The following STIMATE variants were observed in gnomAD, a reference collection of about 807,000 sequenced individuals.
STIMATE encodes the protein store-operated calcium entry regulator STIMATE.
In STIMATE, 15 loss-of-function variants were observed where a neutral mutation model predicts 36.7. The observed-to-expected ratio is 0.41, with a 90% CI of 0.27 to 0.63. STIMATE has a LOEUF of 0.63. Among genes scored for constraint, STIMATE ranks in the 20% least tolerant of loss-of-function variants. The pLI is 0.32. For missense variants in STIMATE, 305 were observed against 397.3 expected, an observed-to-expected ratio of 0.77 and a Z score of 1.98; for synonymous variants, 163 against 162.3, an observed-to-expected ratio of 1.00 and a Z score of -0.03.
In STIMATE at chr3:52,875,864, C is replaced by A. The variant is rs138267488; in HGVS notation, c.161-20420G>T. On this transcript the variant is annotated intron_variant, in intron 1 of 7. Coordinates refer to ENST00000355083, the MANE Select transcript of STIMATE (RefSeq NM_198563.5). ...GGTGGAGGGGCCACTCAGCCGGCCCCCTCCCTCATCCAGAAGCCCTTGTGA... is the reference window on the plus strand; with the variant it reads ...GGTGGAGGGGCCACTCAGCCGGCCCACTCCCTCATCCAGAAGCCCTTGTGA... 5.5e-3 allele frequency among the ~76,000 whole-genome samples: 832 copies of A among 152,336 alleles called. 9 individuals carry two copies. Among genetic ancestry groups the A allele is most frequent in the African/African-American group, 0.019 (781 of 41,566 alleles).
intron 2 of STIMATE, among the ~76,000 whole-genome samples, chr3:52,854,568 T>C (rs935583295): frequency 6.6e-6 from 1 of 152,254 alleles, no homozygotes; most frequent in Non-Finnish European, 1.5e-5. Context: ...CCTCTTCATC[T>C]AGCGTTCATC....
Position 52,844,858 on chromosome 3 carries a change from T to G in STIMATE, c.511A>C (p.Ile171Leu), listed in dbSNP as rs1700866670. Residue 171 changes from isoleucine to leucine, a missense_variant, in exon 5 of 8, where the codon ATC (isoleucine) becomes CTC (leucine). Ile to Leu is a conservative substitution (Grantham distance 5). Around this residue, in one of 3 missense-constraint regions of STIMATE, gnomAD observed 164 missense variants for 257.9 expected, o/e 0.64. Coordinates refer to ENST00000355083, the MANE Select transcript of STIMATE (RefSeq NM_198563.5). ...TTCCACTGAAGTATTAGGAGGACGATGAAGACGACAGACTTTTCAAAAATC... is the reference window on the plus strand; with the variant it reads ...TTCCACTGAAGTATTAGGAGGACGAGGAAGACGACAGACTTTTCAAAAATC... ...IMIFEKSVVF[I>L]VLLILQWKKV... 1.2e-6 allele frequency: 2 copies of G among 1,614,030 alleles called. No homozygotes were observed. The highest frequency in any genetic ancestry group is 2.7e-5 in the African/African-American group (2 of 74,938).
intron 1 of STIMATE, among the ~76,000 whole-genome samples, chr3:52,887,994 GTTTTTTTTTTTTTTTT>G (rs71087029): frequency 1.9e-5 from 1 of 52,694 alleles, no homozygotes; most frequent in Non-Finnish European, 3.4e-5. Context: ...AACAGAATCA[GTTTTTTTTTTTTTTTT>G]TTTTTTTTTT....
At position 52,896,439 on chromosome 3, in the gene STIMATE, A is replaced by G. The variant is rs185705987; in HGVS notation, c.160+852T>C. Among the ~76,000 whole-genome samples the G allele has an allele frequency of 6.5e-3, 982 of 150,622 alleles. 90 individuals are homozygous for G. The South Asian group carries it at 0.18, about 28-fold the overall frequency. ...TTCTTGTTACTTTAATAAGGGAAGG[A>G]TGCACACGATGAAAAACAGAAGCCC... is the stretch of plus-strand genomic sequence containing the variant. On this transcript the variant is annotated intron_variant, in intron 1 of 7. Coordinates refer to ENST00000355083, the MANE Select transcript of STIMATE (RefSeq NM_198563.5).
chr3:52,855,593 C>T (rs1701078931), intron 1 of STIMATE, 149 bp from the exon 2 acceptor site: 1 of 1,148,120 alleles, frequency 8.7e-7, no homozygotes, highest in South Asian at 1.5e-5. Context: ...ACAGTAAGCC[C>T]TGCGAAGGTC....
At chr3:52,884,086 A>G (rs1701652718) in intron 1 of STIMATE, among the ~76,000 whole-genome samples, 1 of 152,146 alleles carries the variant, frequency 6.6e-6, no homozygotes, top group Non-Finnish European at 1.5e-5. Context: ...TGATCATTTC[A>G]AGGCTTTTTT....
chr3:52,843,300 C>T, intron 6 of STIMATE: 4 of 401,932 alleles, frequency 1.0e-5, no homozygotes, highest in Non-Finnish European at 1.8e-5. Context: ...GGCCGGCACA[C>T]CCTGCTGTCA....
intron 1 of STIMATE, among the ~76,000 whole-genome samples, chr3:52,859,033 G>A (rs1178804322): frequency 5.3e-5 from 8 of 151,642 alleles, no homozygotes; most frequent in Non-Finnish European, 8.8e-5. Flanking sequence ...GTGGTGGCGC[G>A]TGCCTGTAAT....
At chr3:52,858,580 T>C (rs1701148325) in intron 1 of STIMATE, among the ~76,000 whole-genome samples, 1 of 152,136 alleles carries the variant, frequency 6.6e-6, no homozygotes, top group South Asian at 2.1e-4. Context: ...AGCTATCGCA[T>C]CACTGCATTC....
chr3:52,897,512 G>A lies in STIMATE; in HGVS notation c.-62C>T, dbSNP rs995531954. 125 of 1,190,582 alleles carry A rather than the reference G, an allele frequency of 1.0e-4. No individual in the cohort carries two copies. The highest frequency in any genetic ancestry group is 1.2e-4 in the Non-Finnish European group (120 of 962,508). 73.8% of individuals were successfully genotyped at this position (1,190,582 alleles called of 1,614,324 possible). ...CCGCCCGGCCTCGCTGCCTGCCGGC[G>A]CAGCGCCGCCAAACCCGCAGCCGGG... On this transcript the variant is annotated 5_prime_UTR_variant, in exon 1 of 8. Transcript: ENST00000355083.
At chr3:52,864,477 G>C (rs922531951) in intron 1 of STIMATE, among the ~76,000 whole-genome samples, 1 of 152,198 alleles carries the variant, frequency 6.6e-6, no homozygotes, top group Non-Finnish European at 1.5e-5. Context: ...GATGGGAGGT[G>C]CTGCTGTGAA....
intron 1 of STIMATE, among the ~76,000 whole-genome samples, chr3:52,863,883 C>T (rs760373193): frequency 2.0e-5 from 3 of 152,252 alleles, no homozygotes; most frequent in Non-Finnish European, 2.9e-5. Context: ...CTAGGTCTCA[C>T]ATCCAGGTCA....
Position 52,886,529 on chromosome 3 carries a change from C to T in STIMATE, c.160+10762G>A, listed in dbSNP as rs138522418. 8.5e-5 allele frequency among the ~76,000 whole-genome samples: 13 copies of T among 152,290 alleles called. No individual in the cohort carries two copies. The South Asian group carries it at 1.0e-3, about 12-fold the overall frequency. ...CGTGAAGCACTTACAAGACTTGACA[C>T]GTAATGAGTACTCTACACATGTGAC... On this transcript the variant is annotated intron_variant, in intron 1 of 7. Transcript: ENST00000355083.
At chr3:52,891,680 C>T (rs1701784482) in intron 1 of STIMATE, among the ~76,000 whole-genome samples, 1 of 149,356 alleles carries the variant, frequency 6.7e-6, no homozygotes, top group African/African-American at 2.5e-5. Context: ...TTCTTTCTTT[C>T]TTTTTTTTTT....
At chr3:52,876,639 T>C (rs1348408860) in intron 1 of STIMATE, among the ~76,000 whole-genome samples, 1 of 152,246 alleles carries the variant, frequency 6.6e-6, no homozygotes, top group Non-Finnish European at 1.5e-5. Context: ...GATAATCCAC[T>C]TCCATTTAAT....
At chr3:52,879,573 T>A (rs959252800) in intron 1 of STIMATE, among the ~76,000 whole-genome samples, 1 of 152,146 alleles carries the variant, frequency 6.6e-6, no homozygotes, top group Non-Finnish European at 1.5e-5. Context: ...ACCAAGACTC[T>A]GAGAACTGGG....
rs144680313 is a variant in STIMATE, at chr3:52,844,955, C to G, written c.428-14G>C. 2 of 1,612,050 alleles carry G rather than the reference C, an allele frequency of 1.2e-6. No homozygotes were observed. Among genetic ancestry groups the G allele is most frequent in the Admixed American group, 1.7e-5 (1 of 59,966 alleles). ...GCAGAGGGTCTCCTGCAGGGACAGGCGGGTGCTTAGTCACATGGGGCCCAG... is the reference window on the plus strand; with the variant it reads ...GCAGAGGGTCTCCTGCAGGGACAGGGGGGTGCTTAGTCACATGGGGCCCAG... On this transcript the variant is annotated splice_polypyrimidine_tract_variant and intron_variant, in intron 4 of 7. Coordinates refer to ENST00000355083, the MANE Select transcript of STIMATE (RefSeq NM_198563.5).
At chr3:52,850,433 A>AAAAAC (rs71087025) in intron 3 of STIMATE, among the ~76,000 whole-genome samples, 3,627 of 151,050 alleles carry the variant, frequency 0.024, 173 homozygotes, top group African/African-American at 0.083. Flanking sequence ...TCTGTCTCAA[A>AAAAAC]AAAACAAAAC....
intron 1 of STIMATE, among the ~76,000 whole-genome samples, chr3:52,888,165 T>C (rs1559499819): frequency 6.6e-6 from 1 of 152,012 alleles, no homozygotes; most frequent in African/African-American, 2.4e-5. Context: ...CTCACGTGCT[T>C]CTGAACCCCT....
Sources: allele counts gnomAD v4.1 joint callset (sites outside exome capture counted in the v4.1 genomes callset), GRCh38; gene constraint gnomAD v4.1.1; regional missense constraint gnomAD v4.1.1; transcripts MANE v1.5; gene names NCBI Gene and HGNC (gene_info 2026-07-23, HGNC 2026-07-21).